Variants in POLR2L observed in about 807,000 individuals in gnomAD.
The protein encoded by POLR2L is RNA polymerase II, I and III subunit L, also known as DNA-directed RNA polymerases I, II, and III subunit RPABC5.
Under a neutral mutation model 6.8 loss-of-function variants are expected in POLR2L, and 7 were observed. That is an observed-to-expected ratio of 1.03 (90% CI 0.59 to 1.94). POLR2L has a LOEUF of 1.94. Ranked by LOEUF, POLR2L falls within the 30% of genes most tolerant of loss-of-function variation. The pLI is 0.00. For missense variants in POLR2L, 93 were observed against 86.7 expected, an observed-to-expected ratio of 1.07 and a Z score of -0.29; for synonymous variants, 59 against 39.8, an observed-to-expected ratio of 1.48 and a Z score of -1.82.
chr11:840,759 G>A (rs1267807491), intron 1 of POLR2L, among the ~76,000 whole-genome samples: 1 of 152,186 alleles, frequency 6.6e-6, no homozygotes, highest in Non-Finnish European at 1.5e-5. Flanking sequence ...AAATGTAAAT[G>A]AAATGAAAAC....
rs1429622791 is a variant in POLR2L, at chr11:842,503, G to T, written c.6C>A (p.Ile2=). The T allele has an allele frequency of 2.5e-6, 4 of 1,577,810 alleles. No homozygotes were observed. The African/African-American group carries it at 5.6e-5, about 22-fold the overall frequency. Residue 2 remains isoleucine, a synonymous_variant, in exon 1 of 2, where the codon ATC becomes ATA. Transcript: ENST00000322028. Reference sequence around the variant, plus strand: ...CACAAGTGAAGCAGCGTACAGGGATGATCATGGCGGCGGCGCGTCCCAGAC... The same window carrying T: ...CACAAGTGAAGCAGCGTACAGGGATTATCATGGCGGCGGCGCGTCCCAGAC... The part of the protein sequence containing the change: M[I]IPVRCFTCGK...
intron 1 of POLR2L, among the ~76,000 whole-genome samples, chr11:841,117 G>A (rs964351052): frequency 2.0e-5 from 3 of 152,356 alleles, no homozygotes; most frequent in Admixed American, 6.5e-5. Context: ...TGGGAAAGGG[G>A]AGGCCACATG....
intron 1 of POLR2L, 47 bp from the exon 2 acceptor site, chr11:840,527 G>T: frequency 7.4e-7 from 1 of 1,349,900 alleles, no homozygotes; most frequent in Non-Finnish European, 1.1e-6. Flanking sequence ...TCTACGGTCT[G>T]CAAAGGCCTG....
chr11:841,407 C>T (rs1272509654), intron 1 of POLR2L, among the ~76,000 whole-genome samples: 2 of 152,192 alleles, frequency 1.3e-5, no homozygotes, highest in Admixed American at 1.3e-4. Flanking sequence ...TGAGGGTGGT[C>T]AGCAAGTCTA....
At position 840,586 on chromosome 11, in the gene POLR2L, C is replaced by T. The variant is rs55640254; in HGVS notation, c.96-106G>A. ...CACTGCCTGCTGGCCTCACCCCCCC[C>T]GCCACCGGCAAGGCGAACAGATTCA... On this transcript the variant is annotated intron_variant, in intron 1 of 1. Transcript: ENST00000322028. 70 of 716,520 alleles carry T rather than the reference C, an allele frequency of 9.8e-5. 1 individual carries two copies. The East Asian group carries it at 1.3e-3, about 13-fold the overall frequency. 44.4% of individuals were successfully genotyped at this position (716,520 alleles called of 1,614,324 possible).
Position 840,412 on chromosome 11 carries a change from A to G in POLR2L, c.164T>C (p.Leu55Pro), listed in dbSNP as rs768537966. 20 of 1,611,426 alleles carry G rather than the reference A, an allele frequency of 1.2e-5. No individual in the cohort carries two copies. The highest frequency in any genetic ancestry group is 1.6e-5 in the Non-Finnish European group (19 of 1,179,216). Residue 55 changes from leucine (L) to proline (P), a missense_variant, in exon 2 of 2, where the codon CTG becomes CCG. Leu to Pro is a moderately conservative substitution (Grantham distance 98). Transcript: ENST00000322028. The part of the protein sequence containing the change: ...CRRMLLAHVD[L>P]IEKLLNYAPL... The stretch of plus-strand genomic sequence containing the variant: ...TGCATAATTGAGCAGCTTCTCGATC[A>G]GGTCCACGTGGGCCAGCAGCATCCG...
In POLR2L at chr11:841,070, C is replaced by T. The variant is rs1018348258; in HGVS notation, c.96-590G>A. Among the ~76,000 whole-genome samples, 5 of 152,224 alleles carry T rather than the reference C, an allele frequency of 3.3e-5. 1 individual carries two copies. In the South Asian group the frequency reaches 8.3e-4, roughly 25 times the overall value. The stretch of plus-strand genomic sequence containing the variant: ...ACCCTCAAGACCTCCAGAAAACTCC[C>T]ACACCGATGGCTCCAATGTGCAGAG... On this transcript the variant is annotated intron_variant, in intron 1 of 1. Coordinates refer to ENST00000322028, the MANE Select transcript of POLR2L (RefSeq NM_021128.5).
At chr11:842,087 G>C (rs906968547) in intron 1 of POLR2L, among the ~76,000 whole-genome samples, 1 of 131,556 alleles carries the variant, frequency 7.6e-6, no homozygotes, top group Non-Finnish European at 1.6e-5. Context: ...GTGGGCCTGG[G>C]GGCAGAGATG....
rs1590212772 is a variant in POLR2L, at chr11:840,282, G to T, written c.*90C>A. Reference sequence around the variant, plus strand: ...CACACACACTGCGGCCAGGCATTACGCCAGCTCCCGGATGCCTCAGCCTCG... The same window carrying T: ...CACACACACTGCGGCCAGGCATTACTCCAGCTCCCGGATGCCTCAGCCTCG... On this transcript the variant is annotated 3_prime_UTR_variant, in exon 2 of 2. Coordinates refer to ENST00000322028, the MANE Select transcript of POLR2L (RefSeq NM_021128.5). The T allele has an allele frequency of 3.8e-6, 3 of 787,360 alleles. No individual in the cohort carries two copies. The highest frequency in any genetic ancestry group is 1.7e-5 in the African/African-American group (1 of 58,222). The allele number at this position is 787,360 out of a possible 1,614,324, so 48.8% of individuals were successfully genotyped here. A position where few individuals can be genotyped will look rare whatever the true frequency, so the allele number is the denominator to read the frequency against.
chr11:842,483 G>C lies in POLR2L; in HGVS notation c.26C>G (p.Thr9Ser). The C allele has an allele frequency of 6.3e-7, 1 of 1,596,370 alleles. No homozygotes were observed. Among genetic ancestry groups the C allele is most frequent in the Non-Finnish European group, 8.5e-7 (1 of 1,173,018 alleles). The change falls in exon 1 of 2, where the codon ACT (threonine) becomes AGT (serine). Residue 9 changes from threonine to serine, a missense_variant. Physicochemically the swap from Thr to Ser is moderately conservative, Grantham distance 58. Coordinates refer to ENST00000322028, the MANE Select transcript of POLR2L (RefSeq NM_021128.5). MIIPVRCFTCGKIVGNKWE... is the reference protein window; with the variant it reads MIIPVRCFSCGKIVGNKWE... The stretch of plus-strand genomic sequence containing the variant: ...CTTGTTGCCGACGATCTTGCCACAA[G>C]TGAAGCAGCGTACAGGGATGATCAT...
intron 1 of POLR2L, among the ~76,000 whole-genome samples, chr11:840,963 G>A (rs1469801502): frequency 6.6e-6 from 1 of 152,114 alleles, no homozygotes; most frequent in Non-Finnish European, 1.5e-5. Flanking sequence ...CCATCAGAGA[G>A]AGACTGCTTC....
rs1473053139 is a variant in POLR2L, at chr11:840,307, G to T, written c.*65C>A. 2.9e-6 allele frequency: 3 copies of T among 1,052,078 alleles called. No individual in the cohort carries two copies. Among genetic ancestry groups the T allele is most frequent in the Non-Finnish European group, 4.3e-6 (3 of 697,802 alleles). The allele number at this position is 1,052,078 out of a possible 1,614,324, so 65.2% of individuals were successfully genotyped here. A position where few individuals can be genotyped will look rare whatever the true frequency, so the allele number is the denominator to read the frequency against. ...GCCAGCTCCCGGATGCCTCAGCCTC[G>T]TGAATTCGGGGCAGGACGCTCAGGG... On this transcript the variant is annotated 3_prime_UTR_variant, in exon 2 of 2. Transcript: ENST00000322028.
chr11:841,924 A>G (rs1237480616), intron 1 of POLR2L, among the ~76,000 whole-genome samples: 4 of 151,992 alleles, frequency 2.6e-5, no homozygotes, highest in African/African-American at 4.8e-5. Context: ...AATAAAATAA[A>G]TTTCTGGAGA....
intron 1 of POLR2L, among the ~76,000 whole-genome samples, chr11:842,210 C>G (rs563092998): frequency 5.9e-5 from 9 of 152,348 alleles, no homozygotes; most frequent in African/African-American, 2.2e-4. Flanking sequence ...CCGTTCTCTT[C>G]CCCAGACTTC....
chr11:840,290 C>A lies in POLR2L; in HGVS notation c.*82G>T. On this transcript the variant is annotated 3_prime_UTR_variant, in exon 2 of 2. Transcript: ENST00000322028. ...CTGCGGCCAGGCATTACGCCAGCTC[C>A]CGGATGCCTCAGCCTCGTGAATTCG... The A allele has an allele frequency of 1.2e-6, 1 of 846,324 alleles. No individual in the cohort carries two copies. The highest frequency in any genetic ancestry group is 1.9e-6 in the Non-Finnish European group (1 of 515,844). 52.4% of individuals were successfully genotyped at this position (846,324 alleles called of 1,614,324 possible).
Position 842,408 on chromosome 11 carries a change from C to A in POLR2L, c.95+6G>T. On this transcript the variant is annotated splice_donor_region_variant and intron_variant, in intron 1 of 1. Transcript: ENST00000322028. ...ACTCAGCCCCTAGCCCCGGCCCGCG[C>A]CTCACCCCTCGGTGTACTCGGCCTG... 6.3e-7 allele frequency: 1 copy of A among 1,577,638 alleles called. No homozygotes were observed. The highest frequency in any genetic ancestry group is 1.4e-5 in the African/African-American group (1 of 71,538).
chr11:841,184 A>G (rs948059634), intron 1 of POLR2L, among the ~76,000 whole-genome samples: 4 of 152,212 alleles, frequency 2.6e-5, no homozygotes, highest in African/African-American at 9.6e-5. Flanking sequence ...CCAGCCACTC[A>G]GTCTAGCAGC....
rs1239198856 is a variant in POLR2L at position 842,430 on chromosome 11, C to T, written c.79G>A (p.Ala27Thr). ...GCGCCTCACCCCTCGGTGTACTCGGCCTGCAGCAGCCCCAGGTAAGCCTCC... is the reference window on the plus strand; with the variant it reads ...GCGCCTCACCCCTCGGTGTACTCGGTCTGCAGCAGCCCCAGGTAAGCCTCC... ...KWEAYLGLLQAEYTEGDALDA... is the reference protein window; with the variant it reads ...KWEAYLGLLQTEYTEGDALDA... The change falls in exon 1 of 2, where the codon GCC (alanine) becomes ACC (threonine). Residue 27 changes from alanine to threonine, a missense_variant. By Grantham distance (58) the Ala-to-Thr change is moderately conservative. Coordinates refer to ENST00000322028, the MANE Select transcript of POLR2L (RefSeq NM_021128.5). 6.3e-7 allele frequency: 1 copy of T among 1,592,706 alleles called. No homozygotes were observed. The highest frequency in any genetic ancestry group is 1.7e-5 in the Admixed American group (1 of 57,870).
intron 1 of POLR2L, 31 bp from the exon 2 acceptor site, chr11:840,511 G>A: frequency 6.8e-7 from 1 of 1,473,692 alleles, no homozygotes; most frequent in Non-Finnish European, 9.4e-7. Context: ...GAGGCCAACT[G>A]AGTTCTCTAC....
Sources: allele counts gnomAD v4.1 joint callset (sites outside exome capture counted in the v4.1 genomes callset), GRCh38; gene constraint gnomAD v4.1.1; transcripts MANE v1.5; gene names NCBI Gene and HGNC (gene_info 2026-07-23, HGNC 2026-07-21).